The following SNAP91 variants were observed in gnomAD, a reference collection of about 807,000 sequenced individuals.
The protein encoded by SNAP91 is synaptosome associated protein 91, also known as clathrin coat assembly protein AP180.
In SNAP91, 27 loss-of-function variants were observed where a neutral mutation model predicts 100.3. The ratio of observed to expected loss-of-function variants is 0.27; its 90% CI spans 0.20 to 0.37. The LOEUF is 0.37. Ranked by LOEUF, SNAP91 falls within the 10% of genes least tolerant of loss-of-function variation. The pLI is 1.00. For missense variants in SNAP91, 986 were observed against 1,123.7 expected (o/e 0.88, Z 1.75); for synonymous variants, 404 against 398.6 (o/e 1.01, Z -0.16).
rs145240772 is a variant in SNAP91, at chr6:83,591,862, T to C, written c.1931-568A>G. On this transcript the variant is annotated intron_variant, in intron 21 of 29. Coordinates refer to ENST00000369694, the MANE Select transcript of SNAP91 (RefSeq NM_001242792.2). The stretch of plus-strand genomic sequence containing the variant: ...TGTGGGTTAAGCTTTCTAAGGATAG[T>C]ATTTAAGCTCAAGAGCTAATTCAGT... 6.6e-3 allele frequency among the ~76,000 whole-genome samples: 1,008 copies of C among 152,288 alleles called. 10 individuals carry two copies. The highest frequency in any genetic ancestry group is 0.036 in the South Asian group (175 of 4,822).
chr6:83,607,635 T>C, intron 13 of SNAP91, 64 bp downstream of exon 13: 1 of 1,115,906 alleles, frequency 9.0e-7, no homozygotes, highest in Non-Finnish European at 1.3e-6. Context: ...GTACAGCACA[T>C]AAAAATAAAA....
rs562568393 is a variant in SNAP91 at position 83,570,561 on chromosome 6, G to C, written c.2442+4449C>G. On this transcript the variant is annotated intron_variant, in intron 26 of 29. Coordinates refer to ENST00000369694, the MANE Select transcript of SNAP91 (RefSeq NM_001242792.2). ...CCTGGAGGTTTACGGGGTGGCGGGG[G>C]GGGAAGTGGTTTCATGGGCTGGGCC... Among the ~76,000 whole-genome samples, 77 of 138,052 alleles carry C rather than the reference G, an allele frequency of 5.6e-4. 1 individual carries two copies. In the South Asian group the frequency reaches 6.5e-3, roughly 12 times the overall value. The allele number at this position is 138,052 out of a possible 152,430, so 90.6% of individuals were successfully genotyped here.
chr6:83,586,611 T>C (rs896836827), intron 22 of SNAP91, among the ~76,000 whole-genome samples: 4 of 152,196 alleles, frequency 2.6e-5, no homozygotes, highest in Non-Finnish European at 5.9e-5. Context: ...GTATTTTCAG[T>C]TGGTATATTT....
intron 17 of SNAP91, among the ~76,000 whole-genome samples, chr6:83,594,091 A>T (rs138647539): frequency 6.6e-6 from 1 of 152,196 alleles, no homozygotes; most frequent in African/African-American, 2.4e-5. Flanking sequence ...ATATATTTGA[A>T]CTCAATGTTA....
At chr6:83,585,222 C>T (rs994590455) in intron 22 of SNAP91, among the ~76,000 whole-genome samples, 3 of 152,056 alleles carry the variant, frequency 2.0e-5, no homozygotes, top group South Asian at 2.1e-4. Flanking sequence ...TTAAGAAAGA[C>T]GTTTAGCTGG....
intron 2 of SNAP91, among the ~76,000 whole-genome samples, chr6:83,703,547 A>C (rs1230212884): frequency 6.6e-6 from 1 of 152,226 alleles, no homozygotes; most frequent in African/African-American, 2.4e-5. Flanking sequence ...AATAAAATTA[A>C]AGCAGCAGGA....
chr6:83,653,669 A>AT lies in SNAP91; in HGVS notation c.658+3084dup, dbSNP rs1359786419. ...TTTCTGTCATTTAGTATGACTTGTA[A>AT]TTTTTTCTTGATAGCTGTACATGAT... On this transcript the variant is annotated intron_variant, in intron 7 of 29. Transcript: ENST00000369694. 5.9e-5 allele frequency among the ~76,000 whole-genome samples: 9 copies of AT among 152,024 alleles called. No individual in the cohort carries two copies. The South Asian group carries it at 1.9e-3, about 32-fold the overall frequency.
intron 10 of SNAP91, among the ~76,000 whole-genome samples, chr6:83,616,297 T>C (rs2096482302): frequency 6.6e-6 from 1 of 151,936 alleles, no homozygotes. Context: ...ACACCAGGCC[T>C]TGTGAATAGA....
chr6:83,570,183 AG>A (rs370337793), intron 26 of SNAP91, among the ~76,000 whole-genome samples: 70 of 152,254 alleles, frequency 4.6e-4, no homozygotes, highest in African/African-American at 1.7e-3. Context: ...ATGTTTTAGC[AG>A]AAAGACTGGT....
chr6:83,705,729 C>A (rs200462642), intron 2 of SNAP91, among the ~76,000 whole-genome samples: 1 of 151,636 alleles, frequency 6.6e-6, no homozygotes, highest in Non-Finnish European at 1.5e-5. Context: ...GAGAATCACT[C>A]GAACCTGGGA....
chr6:83,560,471 T>A (rs1785408004), intron 27 of SNAP91, among the ~76,000 whole-genome samples: 1 of 152,234 alleles, frequency 6.6e-6, no homozygotes, highest in South Asian at 2.1e-4. Context: ...ATTCATCTTC[T>A]GTAAGCATAA....
intron 7 of SNAP91, among the ~76,000 whole-genome samples, chr6:83,642,669 T>C (rs1205072027): frequency 6.6e-6 from 1 of 152,246 alleles, no homozygotes; most frequent in Non-Finnish European, 1.5e-5. Context: ...TGTGCTTTTA[T>C]AGCAGCATGA....
intron 5 of SNAP91, 132 bp downstream of exon 5, chr6:83,661,370 G>A (rs1035948910): frequency 9.1e-6 from 5 of 548,890 alleles, no homozygotes; most frequent in African/African-American, 1.9e-5. Context: ...ATATTATTGA[G>A]TTCCTTTTTT....
intron 26 of SNAP91, 129 bp downstream of exon 26, chr6:83,574,881 T>G: frequency 1.7e-6 from 1 of 588,976 alleles, no homozygotes; most frequent in Non-Finnish European, 2.9e-6. Flanking sequence ...GAGTGCTACT[T>G]GCTTATATTT....
At chr6:83,688,706 T>A (rs566214486) in intron 2 of SNAP91, among the ~76,000 whole-genome samples, 8 of 152,238 alleles carry the variant, frequency 5.3e-5, no homozygotes, top group African/African-American at 1.9e-4. Context: ...GGTTTCACCA[T>A]GTTGGCCAGG....
chr6:83,692,016 T>G (rs1296069334), intron 2 of SNAP91, among the ~76,000 whole-genome samples: 1 of 152,194 alleles, frequency 6.6e-6, no homozygotes, highest in Non-Finnish European at 1.5e-5. Flanking sequence ...TGCCCCATTC[T>G]GTACTCTTAT....
chr6:83,578,173 T>C (rs1019855115), intron 24 of SNAP91, among the ~76,000 whole-genome samples: 2 of 152,162 alleles, frequency 1.3e-5, no homozygotes, highest in African/African-American at 2.4e-5. Flanking sequence ...AACAATACTA[T>C]AAACATTCAT....
At chr6:83,676,026 A>G (rs995057083) in intron 2 of SNAP91, among the ~76,000 whole-genome samples, 1 of 151,736 alleles carries the variant, frequency 6.6e-6, no homozygotes, top group Non-Finnish European at 1.5e-5. Flanking sequence ...TGGGAAGATC[A>G]CTTGAGCCCA....
At chr6:83,639,233 C>T (rs1274087947) in intron 8 of SNAP91, among the ~76,000 whole-genome samples, 2 of 152,080 alleles carry the variant, frequency 1.3e-5, no homozygotes, top group African/African-American at 2.4e-5. Context: ...ATCCATACAT[C>T]GACCACATGA....
Sources: gnomAD v4.1 joint callset for allele counts (sites outside exome capture counted in the v4.1 genomes callset) on GRCh38, gnomAD v4.1.1 for gene constraint, MANE v1.5 for transcripts, NCBI Gene and HGNC (gene_info 2026-07-23, HGNC 2026-07-21) for gene names.